Variants in PLD5 observed in about 807,000 individuals in gnomAD.
PLD5 encodes the protein phospholipase D family member 5.
In PLD5, 36 loss-of-function variants were observed where a neutral mutation model predicts 61.1. The ratio of observed to expected loss-of-function variants is 0.59; its 90% CI spans 0.45 to 0.78. PLD5 has a LOEUF of 0.78. PLD5 is among the 30% of genes least tolerant of loss of function. The pLI is 0.00. For synonymous variants in PLD5, 243 were observed against 242.8 expected (o/e 1.00, Z -0.01); for missense variants, 515 against 644.4 (o/e 0.80, Z 2.17).
In PLD5 at chr1:242,165,453, A is replaced by G. The variant is rs1040391294; in HGVS notation, c.736-40788T>C. On this transcript the variant is annotated intron_variant, in intron 5 of 9. Transcript: ENST00000536534. Reference sequence around the variant, plus strand: ...ATAGGTTGTGTGTGGCTTTAAAGGGAAAAAAAAAAAAAAACCTGCCAGCAA... The same window carrying G: ...ATAGGTTGTGTGTGGCTTTAAAGGGGAAAAAAAAAAAAAACCTGCCAGCAA... Among the ~76,000 whole-genome samples, 14 of 122,156 alleles carry G rather than the reference A, an allele frequency of 1.1e-4. 1 individual carries two copies. Among genetic ancestry groups the G allele is most frequent in the Non-Finnish European group, 2.2e-4 (13 of 58,360 alleles). 80.1% of individuals were successfully genotyped at this position (122,156 alleles called of 152,430 possible).
intron 1 of PLD5, among the ~76,000 whole-genome samples, chr1:242,410,224 AT>A (rs1664473088): frequency 6.6e-6 from 1 of 152,170 alleles, no homozygotes; most frequent in Non-Finnish European, 1.5e-5. Context: ...GAAGAATAGC[AT>A]GTCCATGCAT....
intron 5 of PLD5, among the ~76,000 whole-genome samples, chr1:242,212,869 G>C (rs552419553): frequency 3.3e-5 from 5 of 152,128 alleles, no homozygotes; most frequent in African/African-American, 7.2e-5. Flanking sequence ...TACCCCTGAC[G>C]TGGCTCTTTC....
chr1:242,205,691 C>A (rs1669274738), intron 5 of PLD5, among the ~76,000 whole-genome samples: 1 of 152,116 alleles, frequency 6.6e-6, no homozygotes, highest in Non-Finnish European at 1.5e-5. Context: ...CCTGCATTAC[C>A]AATGAAATAC....
At chr1:242,211,634 C>T (rs576546804) in intron 5 of PLD5, among the ~76,000 whole-genome samples, 172 of 152,230 alleles carry the variant, frequency 1.1e-3, no homozygotes, top group African/African-American at 3.9e-3. Context: ...CTGTCTCATC[C>T]GTCATGCAGC....
intron 3 of PLD5, 116 bp downstream of exon 3, chr1:242,288,246 G>A: frequency 1.4e-6 from 2 of 1,431,492 alleles, no homozygotes; most frequent in Non-Finnish European, 1.9e-6. Flanking sequence ...CATGTACTCT[G>A]GGTGTGTGTA....
intron 4 of PLD5, among the ~76,000 whole-genome samples, chr1:242,247,811 C>T (rs1388260638): frequency 3.9e-5 from 6 of 152,166 alleles, no homozygotes; most frequent in East Asian, 1.9e-4. Flanking sequence ...GGATGATCCA[C>T]TGTTTAATTC....
intron 5 of PLD5, among the ~76,000 whole-genome samples, chr1:242,161,840 A>T (rs753822633): frequency 7.2e-5 from 11 of 152,180 alleles, no homozygotes; most frequent in Non-Finnish European, 1.6e-4. Flanking sequence ...GACAGGGAAC[A>T]CTGAGGTACA....
intron 5 of PLD5, among the ~76,000 whole-genome samples, chr1:242,162,971 G>A (rs1193519401): frequency 6.6e-6 from 1 of 152,076 alleles, no homozygotes; most frequent in Non-Finnish European, 1.5e-5. Flanking sequence ...ATAGTAGGCA[G>A]AAATCCTGCA....
chr1:242,409,747 GA>G (rs1664442585), intron 1 of PLD5, among the ~76,000 whole-genome samples: 1 of 152,126 alleles, frequency 6.6e-6, no homozygotes, highest in Non-Finnish European at 1.5e-5. Context: ...TGTAGCCCAT[GA>G]AAAAATTGCC....
chr1:242,231,638 A>G (rs1296769603), intron 4 of PLD5, among the ~76,000 whole-genome samples: 1 of 152,222 alleles, frequency 6.6e-6, no homozygotes, highest in Non-Finnish European at 1.5e-5. Context: ...AAGAGACAAG[A>G]ATTCTTCGGG....
At chr1:242,265,220 A>G (rs1357330128) in intron 4 of PLD5, 117 bp downstream of exon 4, 6 of 1,287,914 alleles carry the variant, frequency 4.7e-6, no homozygotes, top group Admixed American at 6.9e-5. Flanking sequence ...ATGTAAATGT[A>G]CTATGTACTA....
In PLD5 at chr1:242,207,754, ATATTTATATT is replaced by A. The variant is rs1224364698; in HGVS notation, c.735+12224_735+12233del. On this transcript the variant is annotated intron_variant, in intron 5 of 9. Transcript: ENST00000536534. ...ATCGATGTTTTATATATATTTATAT[ATATTTATATT>A]TATATATATTTATATATATTTATAT... Among the ~76,000 whole-genome samples the A allele has an allele frequency of 4.6e-3, 295 of 63,826 alleles. 1 individual carries two copies. The highest frequency in any genetic ancestry group is 0.016 in the East Asian group (20 of 1,278). 41.9% of individuals were successfully genotyped at this position (63,826 alleles called of 152,430 possible).
chr1:242,119,248 G>A (rs1246459262), intron 6 of PLD5, among the ~76,000 whole-genome samples: 1 of 152,002 alleles, frequency 6.6e-6, no homozygotes. Context: ...TTCATTAACA[G>A]TTTCATGGTT....
At chr1:242,429,954 G>A (rs977272420) in intron 1 of PLD5, among the ~76,000 whole-genome samples, 4 of 151,514 alleles carry the variant, frequency 2.6e-5, no homozygotes, top group African/African-American at 9.7e-5. Context: ...CCCCAACACA[G>A]ACATACAAAA....
At chr1:242,158,611 C>G (rs1271660358) in intron 5 of PLD5, among the ~76,000 whole-genome samples, 1 of 152,122 alleles carries the variant, frequency 6.6e-6, no homozygotes, top group Non-Finnish European at 1.5e-5. Flanking sequence ...GGCAATGCCC[C>G]ACCCTGCTTC....
At chr1:242,475,422 C>CAAAAAAAA (rs5782239) in intron 1 of PLD5, among the ~76,000 whole-genome samples, 4 of 91,468 alleles carry the variant, frequency 4.4e-5, no homozygotes, top group African/African-American at 1.6e-4. Flanking sequence ...GACTCCGTCT[C>CAAAAAAAA]AAAAAAAAAA....
chr1:242,406,466 T>C (rs1664239469), intron 1 of PLD5, among the ~76,000 whole-genome samples: 1 of 152,228 alleles, frequency 6.6e-6, no homozygotes, highest in African/African-American at 2.4e-5. Flanking sequence ...ATTTACTTCC[T>C]ATATACAACC....
intron 4 of PLD5, among the ~76,000 whole-genome samples, chr1:242,224,161 T>C (rs1670782749): frequency 6.6e-6 from 1 of 152,158 alleles, no homozygotes; most frequent in East Asian, 1.9e-4. Flanking sequence ...GAATTGCAAT[T>C]AGCAAAGACA....
At chr1:242,266,784 T>C (rs796830560) in intron 3 of PLD5, among the ~76,000 whole-genome samples, 2 of 152,312 alleles carry the variant, frequency 1.3e-5, no homozygotes, top group African/African-American at 4.8e-5. Context: ...GGTAGAAATG[T>C]GGAGGCAGAG....
Sources: gnomAD v4.1 joint callset for allele counts (sites outside exome capture counted in the v4.1 genomes callset) on GRCh38, gnomAD v4.1.1 for gene constraint, MANE v1.5 for transcripts, NCBI Gene and HGNC (gene_info 2026-07-23, HGNC 2026-07-21) for gene names.